ZNF804B: variants seen among roughly 807,000 people sequenced by gnomAD.
ZNF804B encodes the protein zinc finger protein 804B.
In ZNF804B, 80 loss-of-function variants were observed where a neutral mutation model predicts 101.4. The ratio of observed to expected loss-of-function variants is 0.79; its 90% CI spans 0.66 to 0.95. ZNF804B has a LOEUF of 0.95. Among genes scored for constraint, ZNF804B ranks in the 40% least tolerant of loss-of-function variants. The pLI is 0.00. For synonymous variants in ZNF804B, 622 were observed against 558.8 expected (o/e 1.11, Z -1.59); for missense variants, 1,673 against 1,561.9 (o/e 1.07, Z -1.20).
intron 2 of ZNF804B, among the ~76,000 whole-genome samples, chr7:89,263,363 C>T (rs1449018717): frequency 3.3e-5 from 5 of 152,106 alleles, no homozygotes; most frequent in Middle Eastern, 3.4e-3. Flanking sequence ...GGCTTTTTTC[C>T]GCTGCTTGTT....
At chr7:89,015,246 A>G (rs896297763) in intron 1 of ZNF804B, among the ~76,000 whole-genome samples, 2 of 151,640 alleles carry the variant, frequency 1.3e-5, no homozygotes, top group African/African-American at 4.8e-5. Context: ...TTTGGTTCAC[A>G]TAACTTGGTA....
rs756012221 is a variant in ZNF804B, at chr7:89,333,987, T to C, written c.1005T>C (p.Asp335=). ...CTAACATTCATCTTTCAGATGTAGA[T>C]TTTACTCCTACCAGCAGAGAAAAAG... ...SKSNIHLSDV[D]FTPTSREKET... is the part of the protein sequence containing the mutation. The change falls in exon 4 of 4, where the codon GAT becomes GAC. Residue 335 remains aspartate (D), a synonymous_variant. Transcript: ENST00000333190. 4.3e-6 allele frequency: 7 copies of C among 1,613,362 alleles called. No homozygotes were observed. Among genetic ancestry groups the C allele is most frequent in the Admixed American group, 3.3e-5 (2 of 59,812 alleles).
intron 2 of ZNF804B, among the ~76,000 whole-genome samples, chr7:89,283,511 C>T (rs1790131151): frequency 6.6e-6 from 1 of 152,072 alleles, no homozygotes. Context: ...CTGGGTGACA[C>T]AGCAAGAACC....
chr7:89,249,762 C>A (rs890307298), intron 2 of ZNF804B, among the ~76,000 whole-genome samples: 1 of 151,976 alleles, frequency 6.6e-6, no homozygotes, highest in Non-Finnish European at 1.5e-5. Context: ...CCTAAGGTAG[C>A]TGAAGAAAAA....
intron 1 of ZNF804B, among the ~76,000 whole-genome samples, chr7:88,994,785 A>G (rs1696970599): frequency 6.6e-6 from 1 of 151,976 alleles, no homozygotes; most frequent in African/African-American, 2.4e-5. Flanking sequence ...ACATTTATTT[A>G]TTTTTTATCT....
At chr7:89,086,425 G>C (rs1001627382) in intron 1 of ZNF804B, among the ~76,000 whole-genome samples, 1 of 151,800 alleles carries the variant, frequency 6.6e-6, no homozygotes, top group Non-Finnish European at 1.5e-5. Context: ...CTCCTCTATA[G>C]CTAGTGCATT....
chr7:89,167,027 T>C (rs1425776180), intron 1 of ZNF804B, among the ~76,000 whole-genome samples: 15 of 152,310 alleles, frequency 9.8e-5, no homozygotes, highest in Non-Finnish European at 2.9e-5. Flanking sequence ...GTGTATATTT[T>C]AAATGATAAA....
At chr7:89,062,887 A>T (rs1023767529) in intron 1 of ZNF804B, among the ~76,000 whole-genome samples, 2 of 152,172 alleles carry the variant, frequency 1.3e-5, no homozygotes, top group African/African-American at 4.8e-5. Context: ...TTACATTATC[A>T]GAAGAAACTT....
chr7:88,760,525 C>T (rs562487744), intron 1 of ZNF804B, among the ~76,000 whole-genome samples: 1 of 152,242 alleles, frequency 6.6e-6, no homozygotes, highest in African/African-American at 2.4e-5. Context: ...CAAAGATTTT[C>T]CCTCAAATCA....
At chr7:88,763,592 T>C (rs1213842835) in intron 1 of ZNF804B, among the ~76,000 whole-genome samples, 1 of 151,954 alleles carries the variant, frequency 6.6e-6, no homozygotes, top group Non-Finnish European at 1.5e-5. Context: ...GAGAGGATTT[T>C]ATGGTGCTTA....
At chr7:89,322,637 G>C (rs763187989) in intron 2 of ZNF804B, among the ~76,000 whole-genome samples, 1 of 151,832 alleles carries the variant, frequency 6.6e-6, no homozygotes, top group Non-Finnish European at 1.5e-5. Context: ...GAAAATTTTT[G>C]GAACAATGTT....
chr7:89,162,848 C>T (rs1482297188), intron 1 of ZNF804B, among the ~76,000 whole-genome samples: 1 of 100,822 alleles, frequency 9.9e-6, no homozygotes, highest in African/African-American at 3.6e-5. Flanking sequence ...TGTTCCCCTT[C>T]CTGTGTCCAT....
chr7:89,109,879 C>T (rs2116350408), intron 1 of ZNF804B, among the ~76,000 whole-genome samples: 1 of 152,100 alleles, frequency 6.6e-6, no homozygotes, highest in Admixed American at 6.5e-5. Flanking sequence ...TTCATCTCAC[C>T]TGATACACTT....
In ZNF804B at chr7:89,336,169, A is replaced by T; in HGVS notation, c.3187A>T (p.Ile1063Phe). 6.2e-7 allele frequency: 1 copy of T among 1,613,940 alleles called. No homozygotes were observed. The highest frequency in any genetic ancestry group is 8.5e-7 in the Non-Finnish European group (1 of 1,179,988). Residue 1063 changes from isoleucine (I) to phenylalanine (F), a missense_variant, in exon 4 of 4, where the codon ATT (isoleucine) becomes TTT (phenylalanine). Ile to Phe is a conservative substitution (Grantham distance 21, BLOSUM62 0). Transcript: ENST00000333190. ...KPLISEIQPF[I>F]QSCDPVPNEF... The stretch of plus-strand genomic sequence containing the variant: ...TTTAATTAGTGAAATCCAACCTTTT[A>T]TTCAAAGCTGTGACCCAGTACCAAA...
At chr7:88,782,573 T>C (rs1790245519) in intron 1 of ZNF804B, among the ~76,000 whole-genome samples, 1 of 152,168 alleles carries the variant, frequency 6.6e-6, no homozygotes, top group Non-Finnish European at 1.5e-5. Flanking sequence ...TTATTTCCAT[T>C]AATTAACTAG....
intron 1 of ZNF804B, among the ~76,000 whole-genome samples, chr7:89,156,578 G>A (rs1487529902): frequency 6.6e-6 from 1 of 152,084 alleles, no homozygotes; most frequent in African/African-American, 2.4e-5. Flanking sequence ...AATGAGATAA[G>A]TATGTGAAAA....
intron 1 of ZNF804B, among the ~76,000 whole-genome samples, chr7:89,114,569 A>G (rs756413296): frequency 1.3e-5 from 2 of 152,222 alleles, no homozygotes; most frequent in Admixed American, 6.5e-5. Flanking sequence ...ACTAGTTTCA[A>G]TCTTTCTTAT....
At chr7:89,120,128 G>T (rs2116364763) in intron 1 of ZNF804B, among the ~76,000 whole-genome samples, 1 of 152,098 alleles carries the variant, frequency 6.6e-6, no homozygotes, top group East Asian at 1.9e-4. Flanking sequence ...ATTTAAAAAT[G>T]AAGACTTAAA....
chr7:89,006,043 T>A (rs1015453247), intron 1 of ZNF804B, among the ~76,000 whole-genome samples: 6 of 152,162 alleles, frequency 3.9e-5, no homozygotes, highest in African/African-American at 1.4e-4. Context: ...GTTTTTGTAA[T>A]TAGATTTTTG....
Sources: allele counts gnomAD v4.1 joint callset (sites outside exome capture counted in the v4.1 genomes callset), GRCh38; gene constraint gnomAD v4.1.1; transcripts MANE v1.5; gene names NCBI Gene and HGNC (gene_info 2026-07-23, HGNC 2026-07-21).